Variants in NRG3 observed in about 807,000 individuals in gnomAD.
NRG3 encodes the protein neuregulin 3.
NRG3 carries 31 observed loss-of-function variants against 66.9 expected under a neutral mutation model. The observed-to-expected ratio is 0.46, with a 90% CI of 0.35 to 0.63. The LOEUF is 0.63. Ranked by LOEUF, NRG3 falls within the 20% of genes least tolerant of loss-of-function variation. The pLI, the probability that NRG3 is intolerant of heterozygous loss-of-function variation, is 0.00. For missense variants in NRG3, 910 were observed against 878.9 expected (o/e 1.04, Z -0.45); for synonymous variants, 393 against 359.4 (o/e 1.09, Z -1.06).
chr10:82,461,947 A>G (rs2091535125), intron 2 of NRG3, among the ~76,000 whole-genome samples: 1 of 152,118 alleles, frequency 6.6e-6, no homozygotes, highest in Non-Finnish European at 1.5e-5. Flanking sequence ...CCTGGCCAAC[A>G]TGGAGAAACC....
At chr10:82,254,953 A>G (rs1003106770) in intron 1 of NRG3, among the ~76,000 whole-genome samples, 3 of 152,226 alleles carry the variant, frequency 2.0e-5, no homozygotes, top group Admixed American at 6.5e-5. Flanking sequence ...TGTTGGCTGT[A>G]CATAGTGACC....
At chr10:82,473,509 C>T (rs952581815) in intron 2 of NRG3, among the ~76,000 whole-genome samples, 1 of 152,084 alleles carries the variant, frequency 6.6e-6, no homozygotes, top group Non-Finnish European at 1.5e-5. Flanking sequence ...TAGAAACGGA[C>T]TAAAATAACT....
intron 4 of NRG3, among the ~76,000 whole-genome samples, chr10:82,867,103 G>A (rs374733978): frequency 5.9e-5 from 9 of 152,236 alleles, no homozygotes; most frequent in East Asian, 5.8e-4. Flanking sequence ...TAGAGCCCAC[G>A]TTATTATAAT....
chr10:82,650,292 A>G (rs1482301151), intron 2 of NRG3, among the ~76,000 whole-genome samples: 1 of 152,206 alleles, frequency 6.6e-6, no homozygotes, highest in Non-Finnish European at 1.5e-5. Flanking sequence ...CTAGGCTGCT[A>G]TTCATTAAGG....
chr10:82,318,277 T>A (rs1244944698), intron 1 of NRG3, among the ~76,000 whole-genome samples: 2 of 152,180 alleles, frequency 1.3e-5, no homozygotes, highest in Non-Finnish European at 2.9e-5. Context: ...CAGGTTTGTG[T>A]GACCCAGTTC....
intron 1 of NRG3, among the ~76,000 whole-genome samples, chr10:82,286,774 G>GA (rs2134522062): frequency 6.6e-6 from 1 of 152,216 alleles, no homozygotes; most frequent in African/African-American, 2.4e-5. Context: ...TTTTAGTAGA[G>GA]ATGGGGTTTC....
At chr10:82,697,536 A>G (rs372832754) in intron 2 of NRG3, among the ~76,000 whole-genome samples, 1 of 152,198 alleles carries the variant, frequency 6.6e-6, no homozygotes, top group African/African-American at 2.4e-5. Flanking sequence ...TCAGAGATAC[A>G]AACAAACACT....
chr10:82,018,139 C>G (rs528807786), intron 1 of NRG3, among the ~76,000 whole-genome samples: 2 of 152,044 alleles, frequency 1.3e-5, no homozygotes, highest in African/African-American at 4.8e-5. Context: ...ATCCAGTTTC[C>G]GCTTTCTACC....
At chr10:82,060,488 G>A (rs968942151) in intron 1 of NRG3, among the ~76,000 whole-genome samples, 2 of 152,104 alleles carry the variant, frequency 1.3e-5, no homozygotes, top group Admixed American at 6.5e-5. Flanking sequence ...TAATTTTGGT[G>A]GTTATGCATA....
At chr10:82,103,552 T>G (rs551000699) in intron 1 of NRG3, among the ~76,000 whole-genome samples, 1 of 152,264 alleles carries the variant, frequency 6.6e-6, no homozygotes, top group African/African-American at 2.4e-5. Context: ...ATTCTGGAAC[T>G]TAGGTGGTAT....
In NRG3 at chr10:82,485,697, C is replaced by T. The variant is rs1842625984; in HGVS notation, c.953+126829C>T. On this transcript the variant is annotated intron_variant, in intron 2 of 8. Coordinates refer to ENST00000372141, the MANE Select transcript of NRG3 (RefSeq NM_001010848.4). ...GTAAGTTGCTTTGTTTTGTACTGTG[C>T]TTTCCTCCTATTTATACAAATACAT... 2.6e-5 allele frequency among the ~76,000 whole-genome samples: 4 copies of T among 151,986 alleles called. 1 individual carries two copies. In the South Asian group the frequency reaches 8.3e-4, roughly 32 times the overall value.
At chr10:82,621,623 G>T (rs190786739) in intron 2 of NRG3, among the ~76,000 whole-genome samples, 1 of 152,302 alleles carries the variant, frequency 6.6e-6, no homozygotes. Flanking sequence ...GATTTAACTT[G>T]AAATAGTTTA....
At chr10:82,568,344 CTG>C (rs2133088179) in intron 2 of NRG3, among the ~76,000 whole-genome samples, 1 of 151,996 alleles carries the variant, frequency 6.6e-6, no homozygotes, top group South Asian at 2.1e-4. Flanking sequence ...TTAGTTAACT[CTG>C]TGAAAACACT....
rs544309926 is a variant in NRG3, at chr10:82,349,791, G to C, written c.824-8948G>C. The stretch of plus-strand genomic sequence containing the variant: ...GGTGTGCCGTTTTTTAAGCCAGTCG[G>C]AAAAGCGCAGTATTCGGGTGGGAGT... On this transcript the variant is annotated intron_variant, in intron 1 of 8. Transcript: ENST00000372141. Among the ~76,000 whole-genome samples the C allele has an allele frequency of 5.3e-5, 8 of 152,352 alleles. No individual in the cohort carries two copies. The South Asian group carries it at 1.7e-3, about 32-fold the overall frequency.
chr10:82,133,004 C>CA (rs1187881602), intron 1 of NRG3, among the ~76,000 whole-genome samples: 1 of 151,550 alleles, frequency 6.6e-6, no homozygotes, highest in Non-Finnish European at 1.5e-5. Context: ...TTTATTTTTA[C>CA]AAAAAATCAA....
At chr10:82,252,100 G>A (rs1298544953) in intron 1 of NRG3, among the ~76,000 whole-genome samples, 2 of 152,220 alleles carry the variant, frequency 1.3e-5, no homozygotes, top group African/African-American at 4.8e-5. Context: ...CAGGGGCCAA[G>A]CACAGAGATT....
chr10:82,367,606 A>G (rs1199978074), intron 2 of NRG3, among the ~76,000 whole-genome samples: 1 of 152,164 alleles, frequency 6.6e-6, no homozygotes, highest in South Asian at 2.1e-4. Context: ...AGACTCTTTA[A>G]AAAGTGTTGT....
chr10:82,948,905 A>AT (rs1400767466), intron 4 of NRG3, among the ~76,000 whole-genome samples: 1 of 151,952 alleles, frequency 6.6e-6, no homozygotes, highest in Non-Finnish European at 1.5e-5. Flanking sequence ...TTTTATTCCT[A>AT]TTTTTTCTTG....
intron 3 of NRG3, among the ~76,000 whole-genome samples, chr10:82,864,319 T>C (rs2064306969): frequency 6.6e-6 from 1 of 152,138 alleles, no homozygotes. Flanking sequence ...TATGTATATA[T>C]ATATTTTTTT....
Sources: gnomAD v4.1 joint callset for allele counts (sites outside exome capture counted in the v4.1 genomes callset) on GRCh38, gnomAD v4.1.1 for gene constraint, MANE v1.5 for transcripts, NCBI Gene and HGNC (gene_info 2026-07-23, HGNC 2026-07-21) for gene names.